Variants in HDGFL3 observed in about 807,000 individuals in gnomAD.
The protein encoded by HDGFL3 is hepatoma-derived growth factor-related protein 3.
HDGFL3 carries 6 observed loss-of-function variants against 27.6 expected under a neutral mutation model. The observed-to-expected ratio is 0.22, with a 90% CI of 0.12 to 0.43. The LOEUF (loss-of-function observed/expected upper bound fraction) is 0.43, where lower values mean the gene tolerates loss of function less well. HDGFL3 is among the 20% of genes least tolerant of loss of function. The pLI, the probability that HDGFL3 is intolerant of heterozygous loss-of-function variation, is 1.00. For synonymous variants in HDGFL3, 88 were observed against 88.9 expected (o/e 0.99, Z 0.05); for missense variants, 207 against 250.1 (o/e 0.83, Z 1.16).
chr15:83,156,521 T>G (rs1420832930), intron 4 of HDGFL3, among the ~76,000 whole-genome samples: 1 of 152,172 alleles, frequency 6.6e-6, no homozygotes, highest in Non-Finnish European at 1.5e-5. Flanking sequence ...CAAAGCACAT[T>G]CTTTGAAGCA....
chr15:83,182,143 T>A (rs1213269959), intron 1 of HDGFL3, among the ~76,000 whole-genome samples: 1 of 152,204 alleles, frequency 6.6e-6, no homozygotes, highest in Non-Finnish European at 1.5e-5. Context: ...TTTTTATGGC[T>A]AGTCTTTTAA....
downstream of HDGFL3, among the ~76,000 whole-genome samples, chr15:83,127,054 C>T (rs1211225137): frequency 1.3e-5 from 2 of 151,908 alleles, no homozygotes; most frequent in African/African-American, 4.8e-5. Flanking sequence ...ACTAGCCGGG[C>T]ATGGTGGCAC....
intron 1 of HDGFL3, among the ~76,000 whole-genome samples, chr15:83,173,335 G>A (rs77387258): frequency 0.024 from 3,647 of 152,218 alleles, 139 homozygotes; most frequent in African/African-American, 0.083. Context: ...TGTGTTAGAC[G>A]ACTTTGTCCA....
chr15:83,127,247 G>T, downstream of HDGFL3: 1 of 1,146,002 alleles, frequency 8.7e-7, no homozygotes, highest in East Asian at 2.9e-5. Context: ...TCCCATATAG[G>T]AAATAGGAAT....
chr15:83,126,423 T>A (rs985359373), downstream of HDGFL3, among the ~76,000 whole-genome samples: 8 of 152,176 alleles, frequency 5.3e-5, no homozygotes, highest in African/African-American at 1.9e-4. Flanking sequence ...CTGTAGGGAA[T>A]AGGGGGCTAG....
At chr15:83,157,267 T>C (rs2037042626) in intron 4 of HDGFL3, 148 bp downstream of exon 4, 1 of 761,846 alleles carries the variant, frequency 1.3e-6, no homozygotes, top group African/African-American at 1.8e-5. Context: ...GTTACCTGAC[T>C]TCCCTCTGCT....
In HDGFL3 at chr15:83,128,196, A is replaced by T. The variant is rs2035941691; in HGVS notation, c.*11074T>A. 1 of 152,298 alleles carries T rather than the reference A, an allele frequency of 6.6e-6. No individual in the cohort carries two copies. The highest frequency in any genetic ancestry group is 2.4e-5 in the African/African-American group (1 of 41,470). 9.4% of individuals were successfully genotyped at this position (152,298 alleles called of 1,614,324 possible). On this transcript the variant is annotated 3_prime_UTR_variant, in exon 6 of 6. Coordinates refer to ENST00000299633, the MANE Select transcript of HDGFL3 (RefSeq NM_016073.4). ...TTCTTTTCAAGCAGTTATAAGAATG[A>T]GGTTCATCTAGAAACTGTAGGCTTG...
At chr15:83,121,166 GTT>G (rs1403337837) in intron 3 of HDGFL3, among the ~76,000 whole-genome samples, 7 of 151,700 alleles carry the variant, frequency 4.6e-5, no homozygotes, top group Admixed American at 2.6e-4. Flanking sequence ...TGCCTCCCAG[GTT>G]CAACCATTTC....
chr15:83,153,278 A>G (rs2036987084), intron 4 of HDGFL3, among the ~76,000 whole-genome samples: 1 of 152,110 alleles, frequency 6.6e-6, no homozygotes, highest in Non-Finnish European at 1.5e-5. Context: ...TCGGCCTCCC[A>G]AAGTGCTGGG....
intron 1 of HDGFL3, among the ~76,000 whole-genome samples, chr15:83,202,263 A>G (rs1263967464): frequency 3.3e-5 from 5 of 152,188 alleles, no homozygotes; most frequent in Admixed American, 1.3e-4. Context: ...GTGCTCAACA[A>G]AAGTTCAGTA....
At chr15:83,156,811 A>G (rs1351605517) in intron 4 of HDGFL3, among the ~76,000 whole-genome samples, 3 of 152,006 alleles carry the variant, frequency 2.0e-5, no homozygotes, top group Non-Finnish European at 4.4e-5. Context: ...CTCCCACCTC[A>G]GCCTCATGAG....
chr15:83,145,872 TTC>T lies in HDGFL3; in HGVS notation c.606+5341_606+5342del, dbSNP rs796324546. On this transcript the variant is annotated intron_variant, in intron 5 of 5. Transcript: ENST00000299633. ...ATGGTTTGTTCTTTCTTTTTTTTTTTTCTCTCTCTCTCCCTTTCTTCTTCCTT... is the reference window on the plus strand; with the variant it reads ...ATGGTTTGTTCTTTCTTTTTTTTTTTTCTCTCTCTCCCTTTCTTCTTCCTT... Among the ~76,000 whole-genome samples the T allele has an allele frequency of 7.8e-5, 11 of 141,098 alleles. No individual in the cohort carries two copies. In the East Asian group the frequency reaches 2.0e-3, roughly 25 times the overall value. The allele number at this position is 141,098 out of a possible 152,430, so 92.6% of individuals were successfully genotyped here. A position where few individuals can be genotyped will look rare whatever the true frequency, so the allele number is the denominator to read the frequency against.
intron 3 of HDGFL3, among the ~76,000 whole-genome samples, chr15:83,121,695 G>A (rs569732659): frequency 6.6e-5 from 10 of 152,272 alleles, no homozygotes; most frequent in South Asian, 4.1e-4. Flanking sequence ...CATAGCAGGC[G>A]TAATTTCCTA....
intron 1 of HDGFL3, among the ~76,000 whole-genome samples, chr15:83,181,614 T>C (rs1328147171): frequency 2.6e-5 from 4 of 152,176 alleles, no homozygotes; most frequent in Admixed American, 6.5e-5. Context: ...TAGCTGGGAT[T>C]ACAGACATGT....
intron 1 of HDGFL3, among the ~76,000 whole-genome samples, chr15:83,195,313 GT>G (rs1277051784): frequency 6.6e-6 from 1 of 152,076 alleles, no homozygotes; most frequent in Non-Finnish European, 1.5e-5. Flanking sequence ...TATGTGGAAA[GT>G]GTAAAACATT....
At chr15:83,201,604 T>C (rs1166179878) in intron 1 of HDGFL3, among the ~76,000 whole-genome samples, 1 of 152,200 alleles carries the variant, frequency 6.6e-6, no homozygotes, top group Admixed American at 6.5e-5. Flanking sequence ...AATGAAGTTG[T>C]ACATAATTTT....
At chr15:83,125,721 T>G (rs930249060), downstream of HDGFL3, among the ~76,000 whole-genome samples, 1 of 152,242 alleles carries the variant, frequency 6.6e-6, no homozygotes, top group African/African-American at 2.4e-5. Flanking sequence ...CGCGTAACAG[T>G]TGGACAGTAG....
Position 83,133,206 on chromosome 15 carries a change from C to A in HDGFL3, c.*6064G>T, listed in dbSNP as rs891272767. 3.9e-5 allele frequency: 6 copies of A among 152,198 alleles called. No homozygotes were observed. Among genetic ancestry groups the A allele is most frequent in the African/African-American group, 1.4e-4 (6 of 41,436 alleles). 9.4% of individuals were successfully genotyped at this position (152,198 alleles called of 1,614,324 possible). A position where few individuals can be genotyped will look rare whatever the true frequency, so the allele number is the denominator to read the frequency against. ...TTCTGAACCAATGAACTATGTTGCT[C>A]AGAAAACTCTAAGAAAAGATAACAC... On this transcript the variant is annotated 3_prime_UTR_variant, in exon 6 of 6. Transcript: ENST00000299633.
rs77151186 is a variant in HDGFL3, at chr15:83,157,631, C to T, written c.301-58G>A. 9,577 of 1,455,706 alleles carry T rather than the reference C, an allele frequency of 6.6e-3. 411 individuals carry two copies. The East Asian group carries it at 0.11, about 16-fold the overall frequency. 90.2% of individuals were successfully genotyped at this position (1,455,706 alleles called of 1,614,324 possible). On this transcript the variant is annotated intron_variant, in intron 3 of 5. Transcript: ENST00000299633. ...TTTTGAAAAAATAGCAAAGAACAAACACTGAAAAGAACTACTCTGTTTTCA... is the reference window on the plus strand; with the variant it reads ...TTTTGAAAAAATAGCAAAGAACAAATACTGAAAAGAACTACTCTGTTTTCA...
Sources: allele counts gnomAD v4.1 joint callset (sites outside exome capture counted in the v4.1 genomes callset), GRCh38; gene constraint gnomAD v4.1.1; transcripts MANE v1.5; gene names NCBI Gene and HGNC (gene_info 2026-07-23, HGNC 2026-07-21).